The following CCDC60 variants were observed in gnomAD, a reference collection of about 807,000 sequenced individuals.
CCDC60 encodes the protein coiled-coil domain containing 60, also known as coiled-coil domain-containing protein 60.
CCDC60 carries 54 observed loss-of-function variants against 63.5 expected under a neutral mutation model. That is an observed-to-expected ratio of 0.85 (90% CI 0.68 to 1.07). The LOEUF (loss-of-function observed/expected upper bound fraction) is 1.07, where lower values mean the gene tolerates loss of function less well. Ranked by LOEUF, CCDC60 falls within the 50% of genes least tolerant of loss-of-function variation. CCDC60 has a pLI of 0.00. For synonymous variants in CCDC60, 206 were observed against 238.8 expected, an observed-to-expected ratio of 0.86 and a Z score of 1.27; for missense variants, 651 against 684.3, an observed-to-expected ratio of 0.95 and a Z score of 0.54.
intron 1 of CCDC60, among the ~76,000 whole-genome samples, chr12:119,365,312 T>C (rs1004714340): frequency 6.6e-6 from 1 of 152,098 alleles, no homozygotes; most frequent in Non-Finnish European, 1.5e-5. Flanking sequence ...CTGGCAGTAA[T>C]GAACACTAAA....
chr12:119,486,455 T>C (rs1951441492), intron 4 of CCDC60, among the ~76,000 whole-genome samples: 1 of 152,168 alleles, frequency 6.6e-6, no homozygotes. Context: ...GGAGGATCAC[T>C]TAAGCCCAGG....
At chr12:119,376,059 C>G (rs111332352) in intron 1 of CCDC60, among the ~76,000 whole-genome samples, 145 of 152,294 alleles carry the variant, frequency 9.5e-4, no homozygotes, top group Middle Eastern at 3.4e-3. Flanking sequence ...GAAGAGAGCC[C>G]ACACACCCAC....
intron 1 of CCDC60, among the ~76,000 whole-genome samples, chr12:119,351,836 C>A (rs1201632163): frequency 2.6e-5 from 4 of 152,204 alleles, no homozygotes; most frequent in African/African-American, 9.7e-5. Flanking sequence ...TTTCCCTCAT[C>A]TTTCTGTCTT....
chr12:119,452,427 C>T (rs1950650604), intron 2 of CCDC60, among the ~76,000 whole-genome samples: 1 of 152,140 alleles, frequency 6.6e-6, no homozygotes, highest in Non-Finnish European at 1.5e-5. Flanking sequence ...AATGGCTGAG[C>T]GAGACAGGCT....
At position 119,472,023 on chromosome 12, in the gene CCDC60, G is replaced by A. The variant is rs144740799; in HGVS notation, c.200G>A (p.Arg67His). Residue 67 changes from arginine (R) to histidine (H), a missense_variant, in exon 3 of 14, where the codon CGT (arginine) becomes CAT (histidine). Physicochemically the swap from Arg to His is conservative, Grantham distance 29. Transcript: ENST00000327554. Reference protein sequence around the residue: ...RFLIQSVKIGRGYFAILREET... With the variant: ...RFLIQSVKIGHGYFAILREET... ...TTGATCCAGTCTGTGAAGATAGGCCGTGGATATTTTGCTATTCTGAGGGAA... is the reference window on the plus strand; with the variant it reads ...TTGATCCAGTCTGTGAAGATAGGCCATGGATATTTTGCTATTCTGAGGGAA... 2,914 of 1,613,820 alleles carry A rather than the reference G, an allele frequency of 1.8e-3. 5 individuals carry two copies. Among genetic ancestry groups the A allele is most frequent in the South Asian group, 4.0e-3 (361 of 91,044 alleles).
intron 1 of CCDC60, among the ~76,000 whole-genome samples, chr12:119,427,451 A>C (rs1474289825): frequency 1.3e-5 from 2 of 152,138 alleles, no homozygotes; most frequent in Non-Finnish European, 2.9e-5. Flanking sequence ...CACCATAATT[A>C]TTTAACCTGT....
Position 119,524,466 on chromosome 12 carries a change from T to A in CCDC60, c.1229+648T>A, listed in dbSNP as rs547454909. 17 of 984,404 alleles carry A rather than the reference T, an allele frequency of 1.7e-5. No homozygotes were observed. In the East Asian group the frequency reaches 6.8e-4, roughly 40 times the overall value. The allele number at this position is 984,404 out of a possible 1,614,324, so 61.0% of individuals were successfully genotyped here. A position where few individuals can be genotyped will look rare whatever the true frequency, so the allele number is the denominator to read the frequency against. Reference sequence around the variant, plus strand: ...CAACAAAGTTTGCATCATAGCCCGTTGCACTCTCATTTTCACAGCACTAAT... The same window carrying A: ...CAACAAAGTTTGCATCATAGCCCGTAGCACTCTCATTTTCACAGCACTAAT... On this transcript the variant is annotated intron_variant, in intron 11 of 13. Transcript: ENST00000327554.
At chr12:119,416,957 C>G (rs2136209040) in intron 1 of CCDC60, among the ~76,000 whole-genome samples, 1 of 151,998 alleles carries the variant, frequency 6.6e-6, no homozygotes, top group Admixed American at 6.6e-5. Flanking sequence ...CCCATCTATA[C>G]AAAAAAATAC....
chr12:119,479,324 C>G (rs761701381), intron 4 of CCDC60, 123 bp downstream of exon 4: 2 of 653,286 alleles, frequency 3.1e-6, no homozygotes, highest in Non-Finnish European at 5.3e-6. Flanking sequence ...GGACATGGAG[C>G]CTGGAGCTGG....
intron 2 of CCDC60, among the ~76,000 whole-genome samples, chr12:119,437,938 A>AT (rs11407905): frequency 0.87 from 132,013 of 151,974 alleles, 57,561 homozygotes; most frequent in East Asian, 1. Context: ...GCAAGTGGCC[A>AT]TTAACGAGTC....
chr12:119,533,690 G>T (rs1044608906), intron 13 of CCDC60, among the ~76,000 whole-genome samples: 4 of 152,114 alleles, frequency 2.6e-5, no homozygotes, highest in Non-Finnish European at 1.5e-5. Flanking sequence ...TTTCCCCATT[G>T]CTTGTTTTTG....
At chr12:119,507,475 T>C (rs1015048124) in intron 7 of CCDC60, among the ~76,000 whole-genome samples, 8 of 145,586 alleles carry the variant, frequency 5.5e-5, no homozygotes, top group Non-Finnish European at 1.2e-4. Context: ...TACATATATA[T>C]ACATATATAC....
chr12:119,386,654 A>G (rs534895870), intron 1 of CCDC60, among the ~76,000 whole-genome samples: 93 of 152,326 alleles, frequency 6.1e-4, no homozygotes, highest in Non-Finnish European at 1.2e-3. Context: ...GAAAATGTGT[A>G]GTATTTTCTC....
At chr12:119,363,077 G>A (rs939562285) in intron 1 of CCDC60, among the ~76,000 whole-genome samples, 2 of 152,192 alleles carry the variant, frequency 1.3e-5, no homozygotes, top group Non-Finnish European at 2.9e-5. Context: ...CAGCCTGGGC[G>A]AGACAGCCAG....
At chr12:119,441,468 A>G (rs1284595632) in intron 2 of CCDC60, among the ~76,000 whole-genome samples, 2 of 152,182 alleles carry the variant, frequency 1.3e-5, no homozygotes, top group Non-Finnish European at 2.9e-5. Flanking sequence ...TCATGAAACA[A>G]ACACACCCAT....
intron 1 of CCDC60, among the ~76,000 whole-genome samples, chr12:119,376,666 G>A (rs1028474971): frequency 2.0e-5 from 3 of 152,072 alleles, no homozygotes; most frequent in Admixed American, 6.6e-5. Flanking sequence ...TCAGGGGATG[G>A]TCCTAAGTAC....
intron 1 of CCDC60, among the ~76,000 whole-genome samples, chr12:119,361,531 C>T (rs1955790874): frequency 1.3e-5 from 2 of 152,128 alleles, no homozygotes; most frequent in South Asian, 4.2e-4. Context: ...AAAAAATAAG[C>T]TTCTCTTTCT....
intron 1 of CCDC60, among the ~76,000 whole-genome samples, chr12:119,398,165 T>C (rs1956315696): frequency 7.9e-6 from 1 of 126,270 alleles, no homozygotes; most frequent in Non-Finnish European, 1.6e-5. Context: ...CATGGCGGGC[T>C]GCAGGTCCGA....
chr12:119,479,995 T>TACACATAC (rs1555248891), intron 4 of CCDC60, among the ~76,000 whole-genome samples: 1 of 121,976 alleles, frequency 8.2e-6, no homozygotes, highest in Non-Finnish European at 1.7e-5. Context: ...CCGTACATCA[T>TACACATAC]ACACACACAC....
Sources: allele counts gnomAD v4.1 joint callset (sites outside exome capture counted in the v4.1 genomes callset), GRCh38; gene constraint gnomAD v4.1.1; transcripts MANE v1.5; gene names NCBI Gene and HGNC (gene_info 2026-07-23, HGNC 2026-07-21).